The following TP53INP1 variants were observed in gnomAD, a reference collection of about 807,000 sequenced individuals.
TP53INP1 encodes tumor protein p53 inducible nuclear protein 1, also known as tumor protein p53-inducible nuclear protein 1.
Under a neutral mutation model 21.0 loss-of-function variants are expected in TP53INP1, and 12 were observed. The observed-to-expected ratio is 0.57, with a 90% confidence interval of 0.37 to 0.93. TP53INP1 has a LOEUF of 0.93. TP53INP1 is among the 40% of genes least tolerant of loss of function. The pLI is 0.01. For synonymous variants in TP53INP1, 91 were observed against 94.8 expected, an observed-to-expected ratio of 0.96 and a Z score of 0.23; for missense variants, 274 against 294.7, an observed-to-expected ratio of 0.93 and a Z score of 0.51.
intron 2 of TP53INP1, 77 bp from the exon 3 acceptor site, chr8:94,940,297 T>G (rs1821404736): frequency 2.7e-6 from 4 of 1,493,578 alleles, no homozygotes; most frequent in East Asian, 2.3e-5. Context: ...CATTGGGCAG[T>G]CATTATAAAG....
rs750984498 is a variant in TP53INP1, at chr8:94,939,853, A to T, written c.473+7T>A. ...TGCCTACAGAGAGTTAAATACTTGT[A>T]ACGTACCTGGGACTACTTGGGCTAT... is the stretch of plus-strand genomic sequence containing the variant. On this transcript the variant is annotated splice_region_variant and intron_variant, in intron 3 of 3. Transcript: ENST00000342697. 4.4e-6 allele frequency: 7 copies of T among 1,606,262 alleles called. No homozygotes were observed. The highest frequency in any genetic ancestry group is 1.3e-5 in the African/African-American group (1 of 74,826).
At position 94,930,155 on chromosome 8, in the gene TP53INP1, C is replaced by T. The variant is rs1037245238; in HGVS notation, c.*324G>A. On this transcript the variant is annotated 3_prime_UTR_variant, in exon 4 of 4. Transcript: ENST00000342697. ...AATGAAAATGAAAGATGCCTATTCTCGTACTTGGGAAGAAATGTCTTTAAA... is the reference window on the plus strand; with the variant it reads ...AATGAAAATGAAAGATGCCTATTCTTGTACTTGGGAAGAAATGTCTTTAAA... 3.2e-5 allele frequency: 8 copies of T among 251,780 alleles called. No homozygotes were observed. The highest frequency in any genetic ancestry group is 1.6e-4 in the South Asian group (2 of 12,166). The allele number at this position is 251,780 out of a possible 1,614,324, so 15.6% of individuals were successfully genotyped here.
intron 3 of TP53INP1, among the ~76,000 whole-genome samples, chr8:94,937,437 T>C (rs1409059598): frequency 1.5e-5 from 2 of 134,400 alleles, no homozygotes; most frequent in African/African-American, 3.3e-5. Context: ...TGAGACTCCA[T>C]CTCAAAAAAA....
intron 3 of TP53INP1, among the ~76,000 whole-genome samples, chr8:94,934,158 AAAC>A (rs1472198671): frequency 2.6e-5 from 4 of 152,312 alleles, no homozygotes; most frequent in East Asian, 1.9e-4. Context: ...AGAAAAAAAA[AAAC>A]ACAATCTGGA....
chr8:94,933,990 T>C (rs1309397535), intron 3 of TP53INP1, among the ~76,000 whole-genome samples: 2 of 151,686 alleles, frequency 1.3e-5, no homozygotes, highest in African/African-American at 2.4e-5. Context: ...GGCAGGAGAA[T>C]TGCTTGAACC....
chr8:94,937,698 C>CT (rs1234679832), intron 3 of TP53INP1, among the ~76,000 whole-genome samples: 1 of 152,090 alleles, frequency 6.6e-6, no homozygotes, highest in East Asian at 1.9e-4. Flanking sequence ...ACTACAAGTA[C>CT]TGGAAGCAGG....
chr8:94,935,683 A>G (rs995330052), intron 3 of TP53INP1, among the ~76,000 whole-genome samples: 1 of 152,230 alleles, frequency 6.6e-6, no homozygotes, highest in Admixed American at 6.5e-5. Context: ...TGGGAGCTCC[A>G]TGTACTGTGG....
At chr8:94,931,125 G>T (rs949604147) in intron 3 of TP53INP1, among the ~76,000 whole-genome samples, 11 of 152,058 alleles carry the variant, frequency 7.2e-5, no homozygotes, top group African/African-American at 2.7e-4. Flanking sequence ...AATCTTAAAA[G>T]GAAAATATTT....
In TP53INP1 at chr8:94,929,475, GAA is replaced by G. The variant is rs1820188194; in HGVS notation, c.*1002_*1003del. The G allele has an allele frequency of 6.6e-6, 1 of 151,506 alleles. No homozygotes were observed. The highest frequency in any genetic ancestry group is 1.5e-5 in the Non-Finnish European group (1 of 67,976). 9.4% of individuals were successfully genotyped at this position (151,506 alleles called of 1,614,324 possible). On this transcript the variant is annotated 3_prime_UTR_variant, in exon 4 of 4. Coordinates refer to ENST00000342697, the MANE Select transcript of TP53INP1 (RefSeq NM_033285.4). ...CTGTCACTCTTCACTCAGATGCCATGAAAGACATCATCACCAGACAGTCCCCA... is the reference window on the plus strand; with the variant it reads ...CTGTCACTCTTCACTCAGATGCCATGAGACATCATCACCAGACAGTCCCCA...
At position 94,939,957 on chromosome 8, in the gene TP53INP1, G is replaced by T. The variant is rs763535290; in HGVS notation, c.376C>A (p.His126Asn). The T allele has an allele frequency of 6.2e-7, 1 of 1,614,186 alleles. No individual in the cohort carries two copies. Residue 126 changes from histidine (H) to asparagine (N), a missense_variant, in exon 3 of 4, where the codon CAT (histidine) becomes AAT (asparagine). By Grantham distance (68) the His-to-Asn change is moderately conservative. Transcript: ENST00000342697. ...TSPMENLLIE[H>N]PSMSVYAVHN... is the part of the protein sequence containing the mutation. ...ACAGCATAGACAGACATGCTGGGAT[G>T]TTCAATGAGAAGGTTTTCCATAGGA...
rs1250818876 is a variant in TP53INP1, at chr8:94,940,010, C to G, written c.323G>C (p.Gly108Ala). Residue 108 changes from glycine (G) to alanine (A), a missense_variant, in exon 3 of 4, where the codon GGA (glycine) becomes GCA (alanine). By Grantham distance (60) the Gly-to-Ala change is moderately conservative. Transcript: ENST00000342697. ...TGTTTCCACCTTGATAGTGGTTAAT[C>G]CACCTGCAGTAAAACATGGGGGTGG... ...ITPPPCFTAG[G>A]LTTIKVETSP... is the part of the protein sequence containing the mutation. The G allele has an allele frequency of 6.2e-7, 1 of 1,614,054 alleles. No homozygotes were observed. The highest frequency in any genetic ancestry group is 1.3e-5 in the African/African-American group (1 of 74,918).
chr8:94,932,163 G>A (rs1371242092), intron 3 of TP53INP1: 1 of 1,560,178 alleles, frequency 6.4e-7, no homozygotes, highest in Non-Finnish European at 8.7e-7. Flanking sequence ...AAATGCTATT[G>A]TAACTTTACT....
At chr8:94,938,551 C>A (rs754955662) in intron 3 of TP53INP1, among the ~76,000 whole-genome samples, 5 of 152,136 alleles carry the variant, frequency 3.3e-5, no homozygotes, top group Non-Finnish European at 4.4e-5. Context: ...TTAGCCCCAC[C>A]CCTCAAACTC....
intron 1 of TP53INP1, among the ~76,000 whole-genome samples, chr8:94,945,874 CCTCAATACAGAAAAGAAACAAAGTGT>C (rs1255699298): frequency 6.6e-6 from 1 of 152,102 alleles, no homozygotes; most frequent in Admixed American, 6.5e-5. Flanking sequence ...GAAAAGAACC[CCTCAATACAGAAAAGAAACAAAGTGT>C]CTGGGCCCTA....
intron 2 of TP53INP1, 53 bp downstream of exon 2, chr8:94,940,777 A>G: frequency 7.3e-7 from 1 of 1,374,176 alleles, no homozygotes; most frequent in Non-Finnish European, 1.0e-6. Flanking sequence ...CTGAGATGCA[A>G]GTTTCCATTT....
At chr8:94,942,003 T>C (rs542763794) in intron 1 of TP53INP1, among the ~76,000 whole-genome samples, 2 of 151,866 alleles carry the variant, frequency 1.3e-5, no homozygotes, top group South Asian at 4.2e-4. Flanking sequence ...AGCTGGCAGT[T>C]ATTCAGGCCA....
chr8:94,933,840 G>GGGC lies in TP53INP1; in HGVS notation c.474-3113_474-3112insGCC, dbSNP rs1554630484. Among the ~76,000 whole-genome samples, 4 of 148,602 alleles carry GGGC rather than the reference G, an allele frequency of 2.7e-5. 1 individual carries two copies. In the East Asian group the frequency reaches 7.8e-4, roughly 29 times the overall value. ...CTGTAATCCCAGCACTTTGTGGGGGGGGGGGGAGGATCACGAGGTCAGGAG... is the reference window on the plus strand; with the variant it reads ...CTGTAATCCCAGCACTTTGTGGGGGGGGCGGGGGGAGGATCACGAGGTCAGGAG... On this transcript the variant is annotated intron_variant, in intron 3 of 3. Transcript: ENST00000342697.
intron 1 of TP53INP1, among the ~76,000 whole-genome samples, chr8:94,947,618 C>T (rs1424810233): frequency 1.3e-5 from 2 of 152,208 alleles, no homozygotes; most frequent in Non-Finnish European, 2.9e-5. Context: ...GCTTGTTCCA[C>T]TTATGTGAAG....
chr8:94,937,368 G>A (rs1200170470), intron 3 of TP53INP1, among the ~76,000 whole-genome samples: 1 of 151,588 alleles, frequency 6.6e-6, no homozygotes, highest in Non-Finnish European at 1.5e-5. Flanking sequence ...TTGAACCCGG[G>A]AGGCAGAGGT....
Sources: gnomAD v4.1 joint callset for allele counts (sites outside exome capture counted in the v4.1 genomes callset) on GRCh38, gnomAD v4.1.1 for gene constraint, MANE v1.5 for transcripts, NCBI Gene and HGNC (gene_info 2026-07-23, HGNC 2026-07-21) for gene names.